The following PAG1 variants were observed in gnomAD, a reference collection of about 807,000 sequenced individuals.
PAG1 encodes phosphoprotein associated with glycosphingolipid-enriched microdomains 1.
PAG1 carries 23 observed loss-of-function variants against 31.7 expected under a neutral mutation model. The observed-to-expected ratio is 0.73, with a 90% CI of 0.52 to 1.03. The LOEUF (loss-of-function observed/expected upper bound fraction) is 1.03. PAG1 is among the 50% of genes least tolerant of loss of function. The probability of loss-of-function intolerance (pLI) is 0.00; values close to 1 mark genes in which losing one functional copy is unlikely to be tolerated. For missense variants in PAG1, 473 were observed against 540.7 expected (o/e 0.87, Z 1.24); for synonymous variants, 214 against 210.3 (o/e 1.02, Z -0.15).
chr8:80,995,227 A>T (rs1393934723), intron 3 of PAG1, among the ~76,000 whole-genome samples: 1 of 152,224 alleles, frequency 6.6e-6, no homozygotes, highest in Non-Finnish European at 1.5e-5. Context: ...TGTTTTCCTC[A>T]ATCTTTGAAT....
At chr8:81,089,846 C>A (rs928321681) in intron 1 of PAG1, among the ~76,000 whole-genome samples, 1 of 152,070 alleles carries the variant, frequency 6.6e-6, no homozygotes, top group Non-Finnish European at 1.5e-5. Flanking sequence ...GGTCTCCCAG[C>A]ATGCTCATTT....
At position 80,969,222 on chromosome 8, in the gene PAG1, C is replaced by G. The variant is rs1807025474; in HGVS notation, c.*7322G>C. On this transcript the variant is annotated 3_prime_UTR_variant, in exon 9 of 9. Coordinates refer to ENST00000220597, the MANE Select transcript of PAG1 (RefSeq NM_018440.4). ...CAGGAAAAACAAGACAAGTACTATA[C>G]TCAAAAAGTAAAGTTAAAAAAAGCA... 1 of 150,972 alleles carries G rather than the reference C, an allele frequency of 6.6e-6. No homozygotes were observed. Among genetic ancestry groups the G allele is most frequent in the Non-Finnish European group, 1.5e-5 (1 of 67,806 alleles). The allele number at this position is 150,972 out of a possible 1,614,324, so 9.4% of individuals were successfully genotyped here.
intron 1 of PAG1, among the ~76,000 whole-genome samples, chr8:81,101,576 TA>T (rs1236149862): frequency 6.6e-6 from 1 of 152,172 alleles, no homozygotes; most frequent in Non-Finnish European, 1.5e-5. Flanking sequence ...TCCTAACACT[TA>T]AAAAAGGAAG....
chr8:81,011,714 G>A (rs1295959972), intron 3 of PAG1, among the ~76,000 whole-genome samples: 2 of 152,184 alleles, frequency 1.3e-5, no homozygotes, highest in Non-Finnish European at 2.9e-5. Flanking sequence ...GTGTACAGTT[G>A]CAATTTCATT....
intron 3 of PAG1, among the ~76,000 whole-genome samples, chr8:81,005,318 A>G (rs967212374): frequency 2.6e-5 from 4 of 152,144 alleles, no homozygotes; most frequent in Non-Finnish European, 4.4e-5. Context: ...GTATGTATGT[A>G]TTTATATACT....
chr8:80,993,795 G>A (rs1015676179), intron 3 of PAG1, among the ~76,000 whole-genome samples: 7 of 150,452 alleles, frequency 4.7e-5, no homozygotes, highest in East Asian at 2.0e-4. Flanking sequence ...TTGTAGAGAC[G>A]AAGTCTCACC....
At chr8:81,061,395 C>T (rs1808915170) in intron 2 of PAG1, among the ~76,000 whole-genome samples, 1 of 152,206 alleles carries the variant, frequency 6.6e-6, no homozygotes, top group Admixed American at 6.5e-5. Context: ...ATAGGACTCA[C>T]TTGCCACAAA....
chr8:81,089,061 A>G (rs1809404862), intron 1 of PAG1, among the ~76,000 whole-genome samples: 1 of 152,250 alleles, frequency 6.6e-6, no homozygotes, highest in Admixed American at 6.5e-5. Context: ...ATTTCACCCA[A>G]CTTACAAGTT....
chr8:81,110,399 A>G (rs1275843828), intron 1 of PAG1, among the ~76,000 whole-genome samples: 1 of 152,220 alleles, frequency 6.6e-6, no homozygotes, highest in African/African-American at 2.4e-5. Context: ...TCCTTTTACA[A>G]GTTTAACCAA....
chr8:81,007,356 A>G (rs192396385), intron 3 of PAG1, among the ~76,000 whole-genome samples: 237 of 151,986 alleles, frequency 1.6e-3, no homozygotes, highest in African/African-American at 5.1e-3. Flanking sequence ...GCTCACGCCT[A>G]TAATCCCAGC....
At chr8:81,077,142 G>A (rs185826659) in intron 1 of PAG1, among the ~76,000 whole-genome samples, 5 of 152,362 alleles carry the variant, frequency 3.3e-5, no homozygotes, top group South Asian at 4.1e-4. Context: ...CCAGGAGCTC[G>A]TTAGAAAGGC....
At chr8:81,075,575 C>T (rs1278331149) in intron 1 of PAG1, among the ~76,000 whole-genome samples, 1 of 152,168 alleles carries the variant, frequency 6.6e-6, no homozygotes, top group Admixed American at 6.5e-5. Flanking sequence ...GCTATACATT[C>T]CATATATCCT....
chr8:81,025,532 G>A (rs544751731), intron 3 of PAG1, among the ~76,000 whole-genome samples: 18 of 152,230 alleles, frequency 1.2e-4, no homozygotes, highest in Admixed American at 5.2e-4. Flanking sequence ...GTCCATCCTG[G>A]AGAGCGGCTG....
chr8:80,987,076 T>A (rs1807439497), intron 6 of PAG1, among the ~76,000 whole-genome samples: 1 of 152,224 alleles, frequency 6.6e-6, no homozygotes, highest in Admixed American at 6.5e-5. Flanking sequence ...GTAGTGTTAT[T>A]ATTAATAACA....
In PAG1 at chr8:81,005,194, G is replaced by A. The variant is rs187248722; in HGVS notation, c.-80-11887C>T. Among the ~76,000 whole-genome samples the A allele has an allele frequency of 5.3e-5, 8 of 152,260 alleles. 1 individual carries two copies. The East Asian group carries it at 1.5e-3, about 29-fold the overall frequency. ...TGTGCATCTGAGAGAGACAGGACATGGGGGAATAGACTTAGGGGGCTTTCC... is the reference window on the plus strand; with the variant it reads ...TGTGCATCTGAGAGAGACAGGACATAGGGGAATAGACTTAGGGGGCTTTCC... On this transcript the variant is annotated intron_variant, in intron 3 of 8. Transcript: ENST00000220597.
chr8:81,041,797 C>T (rs564813897), intron 2 of PAG1, among the ~76,000 whole-genome samples: 2 of 152,246 alleles, frequency 1.3e-5, no homozygotes, highest in African/African-American at 4.8e-5. Context: ...GGCCAGGTAC[C>T]AGGAAATACC....
intron 2 of PAG1, among the ~76,000 whole-genome samples, chr8:81,036,288 C>T (rs1808461067): frequency 6.6e-6 from 1 of 152,156 alleles, no homozygotes; most frequent in African/African-American, 2.4e-5. Flanking sequence ...AATCAGTGCT[C>T]TCTGGATATG....
chr8:81,044,298 C>T (rs1394492139), intron 2 of PAG1, among the ~76,000 whole-genome samples: 1 of 152,072 alleles, frequency 6.6e-6, no homozygotes, highest in Admixed American at 6.5e-5. Context: ...TAGGGTAAGC[C>T]CTAACCCATT....
intron 1 of PAG1, among the ~76,000 whole-genome samples, chr8:81,077,311 A>G (rs1273258357): frequency 6.6e-6 from 1 of 152,240 alleles, no homozygotes; most frequent in Non-Finnish European, 1.5e-5. Context: ...AGTGATTTGT[A>G]AGCCCTTCCA....
Sources: allele counts gnomAD v4.1 joint callset (sites outside exome capture counted in the v4.1 genomes callset), GRCh38; gene constraint gnomAD v4.1.1; transcripts MANE v1.5; gene names NCBI Gene and HGNC (gene_info 2026-07-23, HGNC 2026-07-21).